The following ARHGAP28 variants were observed in gnomAD, a reference collection of about 807,000 sequenced individuals.
ARHGAP28 encodes the protein Rho GTPase activating protein 28.
A neutral mutation model predicts 90.7 loss-of-function variants in ARHGAP28; 56 were observed. The ratio of observed to expected loss-of-function variants is 0.62; its 90% CI spans 0.50 to 0.77. ARHGAP28 has a LOEUF of 0.77. Among genes scored for constraint, ARHGAP28 ranks in the 30% least tolerant of loss-of-function variants. The pLI is 0.00. For missense variants in ARHGAP28, 869 were observed against 900.9 expected (o/e 0.96, Z 0.45); for synonymous variants, 308 against 323.3 (o/e 0.95, Z 0.51).
At chr18:6,780,226 A>T (rs938686931) in intron 1 of ARHGAP28, among the ~76,000 whole-genome samples, 3 of 152,248 alleles carry the variant, frequency 2.0e-5, no homozygotes, top group African/African-American at 4.8e-5. Flanking sequence ...AAGCATTCAC[A>T]TAAAGTCAGC....
intron 5 of ARHGAP28, among the ~76,000 whole-genome samples, chr18:6,862,475 CT>C (rs1237972575): frequency 2.0e-5 from 3 of 152,204 alleles, no homozygotes; most frequent in Non-Finnish European, 4.4e-5. Context: ...TAACCCATAT[CT>C]TTCCCCCAGT....
At chr18:6,858,619 C>T (rs2056973163) in intron 4 of ARHGAP28, among the ~76,000 whole-genome samples, 1 of 151,698 alleles carries the variant, frequency 6.6e-6, no homozygotes, top group Non-Finnish European at 1.5e-5. Flanking sequence ...TCTTGGCTCA[C>T]TGCAACCTCT....
Position 6,850,809 on chromosome 18 carries a change from T to G in ARHGAP28, c.544-225T>G, listed in dbSNP as rs774384406. The G allele has an allele frequency of 9.2e-6, 14 of 1,522,566 alleles. No individual in the cohort carries two copies. In the South Asian group the frequency reaches 1.6e-4, roughly 17 times the overall value. The allele number at this position is 1,522,566 out of a possible 1,614,324, so 94.3% of individuals were successfully genotyped here. ...GTTTTGGCAGGAAGCTAGCAGAGTT[T>G]GCTTCTGAGACGAATTCTGTTACAG... On this transcript the variant is annotated intron_variant, in intron 3 of 17. Transcript: ENST00000383472.
At chr18:6,898,828 A>G (rs1288063058) in intron 16 of ARHGAP28, 1 of 995,388 alleles carries the variant, frequency 1.0e-6, no homozygotes, top group African/African-American at 1.7e-5. Context: ...AGTGGGAGCT[A>G]AGCTGTGAGG....
At chr18:6,819,635 A>G (rs1480526871) in intron 1 of ARHGAP28, among the ~76,000 whole-genome samples, 1 of 152,090 alleles carries the variant, frequency 6.6e-6, no homozygotes, top group South Asian at 2.1e-4. Flanking sequence ...AGTTCTCCCC[A>G]CTCAACAACT....
chr18:6,908,527 A>G (rs1600312294), intron 16 of ARHGAP28, among the ~76,000 whole-genome samples: 1 of 152,242 alleles, frequency 6.6e-6, no homozygotes, highest in Non-Finnish European at 1.5e-5. Context: ...GAAATGTGAC[A>G]TGGGCTGATA....
intron 1 of ARHGAP28, among the ~76,000 whole-genome samples, chr18:6,791,962 C>A (rs1387149581): frequency 6.6e-6 from 1 of 152,040 alleles, no homozygotes; most frequent in Non-Finnish European, 1.5e-5. Context: ...CCATGCCCGG[C>A]TAATTTTTGT....
Position 6,882,706 on chromosome 18 carries a change from C to T in ARHGAP28, c.1453+407C>T, listed in dbSNP as rs144615190. On this transcript the variant is annotated intron_variant, in intron 11 of 17. Transcript: ENST00000383472. ...GTGTGTGATAATGCATCAAAAAATA[C>T]GACATCACTGCCTTTCTTAAATCTG... 2.0e-4 allele frequency among the ~76,000 whole-genome samples: 31 copies of T among 152,222 alleles called. No individual in the cohort carries two copies. The East Asian group carries it at 5.4e-3, about 27-fold the overall frequency.
intron 1 of ARHGAP28, among the ~76,000 whole-genome samples, chr18:6,753,612 T>G (rs1186383232): frequency 2.0e-5 from 3 of 152,254 alleles, no homozygotes; most frequent in Non-Finnish European, 4.4e-5. Flanking sequence ...AAGATTATTC[T>G]TAATAAAGTG....
intron 1 of ARHGAP28, among the ~76,000 whole-genome samples, chr18:6,802,283 G>A (rs2056487558): frequency 6.8e-6 from 1 of 147,294 alleles, no homozygotes; most frequent in South Asian, 2.1e-4. Flanking sequence ...TTTTATATAT[G>A]TGCAGTAGTG....
intron 3 of ARHGAP28, 41 bp downstream of exon 3, chr18:6,837,455 TGACTGGG>T: frequency 8.4e-7 from 1 of 1,184,126 alleles, no homozygotes. Flanking sequence ...GCGCCTAGTT[TGACTGGG>T]GATGGGGTAG....
chr18:6,870,356 A>T (rs2057073712), intron 6 of ARHGAP28, among the ~76,000 whole-genome samples: 10 of 152,202 alleles, frequency 6.6e-5, no homozygotes, highest in Admixed American at 6.5e-4. Flanking sequence ...TAAAAATCAG[A>T]GTAAATAGTT....
chr18:6,772,368 G>A (rs190562131), intron 1 of ARHGAP28, among the ~76,000 whole-genome samples: 1 of 152,110 alleles, frequency 6.6e-6, no homozygotes, highest in African/African-American at 2.4e-5. Flanking sequence ...TTTTCCCTGG[G>A]ATGTTTCTCT....
chr18:6,729,912 C>T lies in ARHGAP28; in HGVS notation c.91C>T (p.Pro31Ser), dbSNP rs1243099670. Residue 31 changes from proline to serine, a missense_variant, in exon 1 of 18, where the codon CCC (proline) becomes TCC (serine). Coordinates refer to ENST00000383472, the MANE Select transcript of ARHGAP28 (RefSeq NM_001366230.1). Reference protein sequence around the residue: ...QPPNAESRCAPRAAASHPLSR... With the variant: ...QPPNAESRCASRAAASHPLSR... ...CCCCAACGCCGAGTCGCGCTGCGCG[C>T]CCCGCGCCGCAGCCAGCCACCCGCT... The T allele has an allele frequency of 1.4e-6, 2 of 1,409,784 alleles. No individual in the cohort carries two copies. Among genetic ancestry groups the T allele is most frequent in the Non-Finnish European group, 1.8e-6 (2 of 1,083,864 alleles). The allele number at this position is 1,409,784 out of a possible 1,614,324, so 87.3% of individuals were successfully genotyped here. A position where few individuals can be genotyped will look rare whatever the true frequency, so the allele number is the denominator to read the frequency against.
intron 1 of ARHGAP28, among the ~76,000 whole-genome samples, chr18:6,805,479 CTTT>C (rs756550297): frequency 1.0e-5 from 1 of 97,526 alleles, no homozygotes; most frequent in Non-Finnish European, 2.0e-5. Flanking sequence ...TAACCTTTGC[CTTT>C]TTTTTTTTTT....
At chr18:6,755,355 G>A (rs1394835560) in intron 1 of ARHGAP28, among the ~76,000 whole-genome samples, 6 of 152,106 alleles carry the variant, frequency 3.9e-5, no homozygotes, top group Non-Finnish European at 5.9e-5. Context: ...AATGCCATTA[G>A]GGTGGTTATA....
intron 2 of ARHGAP28, among the ~76,000 whole-genome samples, chr18:6,827,283 A>C (rs1600220790): frequency 1.4e-5 from 2 of 147,452 alleles, no homozygotes; most frequent in African/African-American, 5.0e-5. Flanking sequence ...GGCGCCCCTC[A>C]CCTCCCGGAC....
intron 9 of ARHGAP28, 141 bp downstream of exon 9, chr18:6,873,916 C>A: frequency 1.3e-6 from 1 of 755,198 alleles, no homozygotes; most frequent in Non-Finnish European, 2.2e-6. Context: ...TGATTTTCAG[C>A]TTTATTCCAT....
chr18:6,849,292 G>C (rs779807264), intron 3 of ARHGAP28, among the ~76,000 whole-genome samples: 3 of 150,462 alleles, frequency 2.0e-5, no homozygotes, highest in Non-Finnish European at 3.0e-5. Context: ...CGGGGTAAGC[G>C]TGGTGCCAAA....
Sources: allele counts gnomAD v4.1 joint callset (sites outside exome capture counted in the v4.1 genomes callset), GRCh38; gene constraint gnomAD v4.1.1; transcripts MANE v1.5; gene names NCBI Gene and HGNC (gene_info 2026-07-23, HGNC 2026-07-21).